ITGA1: variants seen among roughly 807,000 people sequenced by gnomAD.
The protein encoded by ITGA1 is integrin subunit alpha 1.
In ITGA1, 85 loss-of-function variants were observed where a neutral mutation model predicts 145.9. That is an observed-to-expected ratio of 0.58 (90% CI 0.49 to 0.70). The LOEUF (loss-of-function observed/expected upper bound fraction) is 0.70, where lower values mean the gene tolerates loss of function less well. Ranked by LOEUF, ITGA1 falls within the 30% of genes least tolerant of loss-of-function variation. The pLI is 0.00. For synonymous variants in ITGA1, 520 were observed against 495.3 expected (o/e 1.05, Z -0.66); for missense variants, 1,351 against 1,418.7 (o/e 0.95, Z 0.77).
At chr5:52,878,110 C>T (rs1286975068) in intron 6 of ITGA1, among the ~76,000 whole-genome samples, 3 of 152,142 alleles carry the variant, frequency 2.0e-5, no homozygotes, top group Non-Finnish European at 2.9e-5. Flanking sequence ...CTGCACTCAC[C>T]ATTGCCTGTG....
At chr5:52,841,500 A>C (rs2111738551) in intron 1 of ITGA1, among the ~76,000 whole-genome samples, 1 of 152,332 alleles carries the variant, frequency 6.6e-6, no homozygotes, top group South Asian at 2.1e-4. Context: ...ATGATGTAGT[A>C]CTATAGAGTT....
chr5:52,838,206 G>T (rs1749194059), intron 1 of ITGA1, among the ~76,000 whole-genome samples: 1 of 152,164 alleles, frequency 6.6e-6, no homozygotes, highest in Non-Finnish European at 1.5e-5. Flanking sequence ...AAGAAGCAAG[G>T]AAGGGAGAGA....
At chr5:52,792,470 G>A (rs1301267933) in intron 1 of ITGA1, among the ~76,000 whole-genome samples, 1 of 152,116 alleles carries the variant, frequency 6.6e-6, no homozygotes, top group Non-Finnish European at 1.5e-5. Flanking sequence ...ACATATATAT[G>A]CTATACTAGT....
intron 1 of ITGA1, chr5:52,801,143 T>C (rs372365242): frequency 1.3e-6 from 2 of 1,570,304 alleles, no homozygotes; most frequent in African/African-American, 2.7e-5. Flanking sequence ...TACCCAGGGA[T>C]AATTAAGAAT....
intron 1 of ITGA1, chr5:52,825,056 GA>G: frequency 6.6e-6 from 1 of 152,150 alleles, no homozygotes; most frequent in Admixed American, 6.5e-5. Flanking sequence ...GTCTGTTTCA[GA>G]ACTTTTGTTA....
At chr5:52,806,786 T>A (rs1450056530) in intron 1 of ITGA1, among the ~76,000 whole-genome samples, 1 of 152,214 alleles carries the variant, frequency 6.6e-6, no homozygotes, top group Non-Finnish European at 1.5e-5. Flanking sequence ...ATATTATGAA[T>A]GTTTTAATTT....
At chr5:52,794,651 T>TA (rs544902977) in intron 1 of ITGA1, among the ~76,000 whole-genome samples, 1,988 of 142,102 alleles carry the variant, frequency 0.014, 25 homozygotes, top group Middle Eastern at 0.021. Flanking sequence ...ACAAGTTCCT[T>TA]AAAAAAAAAA....
At chr5:52,920,504 A>G (rs765904702) in intron 17 of ITGA1, 36 bp downstream of exon 17, 1 of 1,518,978 alleles carries the variant, frequency 6.6e-7, no homozygotes, top group Admixed American at 2.1e-5. Flanking sequence ...CCTTATTCCA[A>G]ATCAAGAATA....
intron 18 of ITGA1, 56 bp downstream of exon 18, chr5:52,922,943 C>T: frequency 9.9e-7 from 1 of 1,010,220 alleles, no homozygotes; most frequent in East Asian, 2.4e-5. Context: ...TTTAATGTCA[C>T]TAGTAAACTG....
chr5:52,897,901 G>A (rs1032397041), intron 10 of ITGA1, among the ~76,000 whole-genome samples: 25 of 152,282 alleles, frequency 1.6e-4, no homozygotes, highest in South Asian at 1.5e-3. Context: ...GACCTAGGAT[G>A]CTGGGCACCC....
At chr5:52,873,894 T>TG (rs1277134012) in intron 6 of ITGA1, among the ~76,000 whole-genome samples, 2 of 152,146 alleles carry the variant, frequency 1.3e-5, no homozygotes, top group Non-Finnish European at 2.9e-5. Context: ...ATGCTGGGCA[T>TG]TAAAATTTGG....
chr5:52,842,790 A>G lies in ITGA1; in HGVS notation c.62-6575A>G, dbSNP rs10041465. Among the ~76,000 whole-genome samples, 965 of 151,516 alleles carry G rather than the reference A, an allele frequency of 6.4e-3. 15 individuals are homozygous for G. The highest frequency in any genetic ancestry group is 0.022 in the African/African-American group (925 of 41,208). ...AACTTCTGCCTCCCAGGTTCAAGCA[A>G]TTCTCCTGCCTCAGCCTCCTGAGTA... On this transcript the variant is annotated intron_variant, in intron 1 of 28. Coordinates refer to ENST00000282588, the MANE Select transcript of ITGA1 (RefSeq NM_181501.2).
intron 1 of ITGA1, among the ~76,000 whole-genome samples, chr5:52,805,963 AT>A (rs1748582691): frequency 6.6e-6 from 1 of 152,168 alleles, no homozygotes; most frequent in Non-Finnish European, 1.5e-5. Context: ...AAGTAAATGA[AT>A]TCTCCAGCAG....
At chr5:52,924,084 G>A (rs546855177) in intron 18 of ITGA1, among the ~76,000 whole-genome samples, 3 of 152,274 alleles carry the variant, frequency 2.0e-5, no homozygotes, top group Admixed American at 6.5e-5. Context: ...TGTCACTAGC[G>A]TGGCTCCAAT....
chr5:52,813,027 T>G (rs1469392151), intron 1 of ITGA1, among the ~76,000 whole-genome samples: 1 of 152,166 alleles, frequency 6.6e-6, no homozygotes, highest in Non-Finnish European at 1.5e-5. Context: ...AATATTTTTA[T>G]TTCTTTAAAT....
At position 52,872,575 on chromosome 5, in the gene ITGA1, A is replaced by ATTTTTTTTTTTTTTTTTTTT. The variant is rs58664401; in HGVS notation, c.624+6776_624+6777insTTTTTTTTTTTTTTTTTTTT. 4.9e-4 allele frequency among the ~76,000 whole-genome samples: 48 copies of ATTTTTTTTTTTTTTTTTTTT among 98,366 alleles called. 5 individuals are homozygous for ATTTTTTTTTTTTTTTTTTTT. Among genetic ancestry groups the ATTTTTTTTTTTTTTTTTTTT allele is most frequent in the South Asian group, 6.9e-4 (2 of 2,894 alleles). 64.5% of individuals were successfully genotyped at this position (98,366 alleles called of 152,430 possible). ...CTTCCCCTTACACCCGCCTCAGTCA[A>ATTTTTTTTTTTTTTTTTTTT]TTTTTTTTTTTTTTTTTTGTGGGTG... On this transcript the variant is annotated intron_variant, in intron 6 of 28. Transcript: ENST00000282588.
At chr5:52,819,926 T>A (rs1245890511) in intron 1 of ITGA1, among the ~76,000 whole-genome samples, 1 of 152,190 alleles carries the variant, frequency 6.6e-6, no homozygotes, top group Non-Finnish European at 1.5e-5. Flanking sequence ...ATTGCTTGTT[T>A]TTCTCAGGTT....
At chr5:52,919,306 G>T (rs1579720353) in intron 16 of ITGA1, among the ~76,000 whole-genome samples, 1 of 152,084 alleles carries the variant, frequency 6.6e-6, no homozygotes, top group East Asian at 1.9e-4. Flanking sequence ...GGGAAAGACT[G>T]ATATTGCAGA....
chr5:52,910,382 A>G lies in ITGA1; in HGVS notation c.1820A>G (p.His607Arg), dbSNP rs1184688731. 9 of 1,613,680 alleles carry G rather than the reference A, an allele frequency of 5.6e-6. No homozygotes were observed. In the Middle Eastern group the frequency reaches 4.9e-4, roughly 88 times the overall value. ...DDHGGAVYIY[H>R]GSGKTIRKEY... The stretch of plus-strand genomic sequence containing the variant: ...CACGGGGGAGCTGTGTACATTTATC[A>G]TGGAAGTGGCAAGACTATAAGGAAA... The change falls in exon 14 of 29, where the codon CAT (histidine) becomes CGT (arginine). Residue 607 changes from histidine (H) to arginine (R), a missense_variant. Transcript: ENST00000282588.
Sources: allele counts gnomAD v4.1 joint callset (sites outside exome capture counted in the v4.1 genomes callset), GRCh38; gene constraint gnomAD v4.1.1; transcripts MANE v1.5; gene names NCBI Gene and HGNC (gene_info 2026-07-23, HGNC 2026-07-21).